Variants in HPSE2 observed in about 807,000 individuals in gnomAD.
HPSE2 encodes inactive heparanase-2.
In HPSE2, 38 loss-of-function variants were observed where a neutral mutation model predicts 60.5. The observed-to-expected ratio is 0.63, with a 90% confidence interval of 0.48 to 0.82. The LOEUF (loss-of-function observed/expected upper bound fraction) is 0.82, where lower values mean the gene tolerates loss of function less well. Ranked by LOEUF, HPSE2 falls within the 40% of genes least tolerant of loss-of-function variation. The pLI, the probability that HPSE2 is intolerant of heterozygous loss-of-function variation, is 0.00. For missense variants in HPSE2, 713 were observed against 740.4 expected (o/e 0.96, Z 0.43); for synonymous variants, 295 against 293.2 (o/e 1.01, Z -0.06).
At chr10:99,307,682 G>A in the HPSE2 span, among the ~76,000 whole-genome samples, 1 of 152,210 alleles carries the variant, frequency 6.6e-6, no homozygotes, top group East Asian at 1.9e-4. Flanking sequence ...TCAGGCTCAT[G>A]TTAAACCCAG....
chr10:98,772,123 C>T (rs1052009939), intron 3 of HPSE2, among the ~76,000 whole-genome samples: 6 of 152,110 alleles, frequency 3.9e-5, no homozygotes, highest in Non-Finnish European at 7.4e-5. Context: ...CCTTAGGTGT[C>T]GGTGCTTAAC....
intron 3 of HPSE2, among the ~76,000 whole-genome samples, chr10:98,963,800 T>C (rs937178796): frequency 6.6e-6 from 1 of 152,040 alleles, no homozygotes; most frequent in Non-Finnish European, 1.5e-5. Flanking sequence ...GGATTAGTCA[T>C]GGAATCATGA....
intron 9 of HPSE2, among the ~76,000 whole-genome samples, chr10:98,493,794 G>A (rs1484672112): frequency 6.6e-6 from 1 of 152,148 alleles, no homozygotes; most frequent in East Asian, 1.9e-4. Flanking sequence ...TACATTTAAA[G>A]TAACTACTGA....
At chr10:98,525,492 CGGGCCT>C in intron 9 of HPSE2, among the ~76,000 whole-genome samples, 2 of 152,178 alleles carry the variant, frequency 1.3e-5, no homozygotes, top group African/African-American at 4.8e-5. Flanking sequence ...GCTGGGAAGA[CGGGCCT>C]AAGGGAGCCC....
At chr10:98,485,637 G>T (rs1038016266) in intron 10 of HPSE2, among the ~76,000 whole-genome samples, 1 of 152,160 alleles carries the variant, frequency 6.6e-6, no homozygotes, top group African/African-American at 2.4e-5. Context: ...CCATTGGTGG[G>T]GTTTCAGCTT....
At chr10:98,923,386 A>G (rs1340665590) in intron 3 of HPSE2, among the ~76,000 whole-genome samples, 1 of 152,136 alleles carries the variant, frequency 6.6e-6, no homozygotes, top group East Asian at 1.9e-4. Context: ...TTTAGGTTAA[A>G]TCTGCCTGGT....
intron 9 of HPSE2, among the ~76,000 whole-genome samples, chr10:98,611,610 C>T (rs1377091718): frequency 6.6e-6 from 1 of 152,122 alleles, no homozygotes; most frequent in East Asian, 1.9e-4. Flanking sequence ...AGTACGATTC[C>T]CAGGTCTGTC....
chr10:99,246,364 A>G, the HPSE2 span, among the ~76,000 whole-genome samples: 10 of 152,244 alleles, frequency 6.6e-5, no homozygotes, highest in African/African-American at 2.4e-4. Flanking sequence ...TACCTGGAAG[A>G]ATGAACAGGC....
intron 7 of HPSE2, among the ~76,000 whole-genome samples, chr10:98,630,491 C>A (rs2134009562): frequency 6.6e-6 from 1 of 152,240 alleles, no homozygotes; most frequent in Admixed American, 6.5e-5. Context: ...GCCACCACGC[C>A]CGGCCGTAAT....
intron 3 of HPSE2, among the ~76,000 whole-genome samples, chr10:98,953,891 G>A (rs1172867801): frequency 1.3e-5 from 2 of 152,094 alleles, no homozygotes; most frequent in Admixed American, 6.5e-5. Context: ...CCAAATTCAT[G>A]TTTTTGCCAG....
intron 3 of HPSE2, among the ~76,000 whole-genome samples, chr10:99,089,797 C>T (rs750345001): frequency 6.6e-6 from 1 of 152,112 alleles, no homozygotes; most frequent in Non-Finnish European, 1.5e-5. Flanking sequence ...AGATTCTACC[C>T]ATCCATGAGC....
chr10:99,227,837 C>CTATATA (rs35461640), intron 2 of HPSE2, among the ~76,000 whole-genome samples: 2 of 142,326 alleles, frequency 1.4e-5, no homozygotes, highest in South Asian at 2.2e-4. Flanking sequence ...AGTTGAATGT[C>CTATATA]TATATATATA....
rs1420757877 is a variant in HPSE2, at chr10:98,701,398, C to A, written c.957-7451G>T. Among the ~76,000 whole-genome samples the A allele has an allele frequency of 5.4e-5, 8 of 149,158 alleles. No homozygotes were observed. In the East Asian group the frequency reaches 1.6e-3, roughly 30 times the overall value. On this transcript the variant is annotated intron_variant, in intron 5 of 11. Transcript: ENST00000370552. ...AGTAAACTATCGCAAGAACAAAAAACCAAACACCAAATATTCTCACTCATA... is the reference window on the plus strand; with the variant it reads ...AGTAAACTATCGCAAGAACAAAAAAACAAACACCAAATATTCTCACTCATA...
chr10:98,646,307 CT>C (rs1006105580), intron 6 of HPSE2, among the ~76,000 whole-genome samples: 73 of 120,740 alleles, frequency 6.0e-4, no homozygotes, highest in African/African-American at 1.6e-3. Flanking sequence ...ATGGTGATTT[CT>C]TTTTTTCTTT....
the HPSE2 span, among the ~76,000 whole-genome samples, chr10:99,307,976 T>C: frequency 2.3e-3 from 353 of 152,236 alleles, 1 homozygote; most frequent in African/African-American, 8.0e-3. Context: ...ATGTTAAAGT[T>C]ATCATATGTC....
At chr10:99,016,705 T>C (rs903917925) in intron 3 of HPSE2, among the ~76,000 whole-genome samples, 2 of 152,176 alleles carry the variant, frequency 1.3e-5, no homozygotes, top group African/African-American at 2.4e-5. Context: ...TCTGATTTCT[T>C]TGAGCAGTGG....
chr10:99,290,036 G>A, the HPSE2 span, among the ~76,000 whole-genome samples: 2 of 152,028 alleles, frequency 1.3e-5, no homozygotes, highest in Non-Finnish European at 2.9e-5. Flanking sequence ...AGCAGGGGTT[G>A]GGCCAAGAAC....
chr10:98,949,042 G>C (rs2135185878), intron 3 of HPSE2, among the ~76,000 whole-genome samples: 1 of 152,106 alleles, frequency 6.6e-6, no homozygotes, highest in Non-Finnish European at 1.5e-5. Flanking sequence ...ATTTTTTGCT[G>C]CACGGGGAGT....
the HPSE2 span, among the ~76,000 whole-genome samples, chr10:99,245,262 T>C: frequency 6.6e-6 from 1 of 152,194 alleles, no homozygotes; most frequent in African/African-American, 2.4e-5. Flanking sequence ...ATAATTTATT[T>C]GGAGTAGGGC....
Sources: gnomAD v4.1 joint callset for allele counts (sites outside exome capture counted in the v4.1 genomes callset) on GRCh38, gnomAD v4.1.1 for gene constraint, MANE v1.5 for transcripts, NCBI Gene and HGNC (gene_info 2026-07-23, HGNC 2026-07-21) for gene names.